The following TBX10 variants were observed in gnomAD, a reference collection of about 807,000 sequenced individuals.
TBX10 encodes T-box transcription factor 10, also known as T-box transcription factor TBX10.
Under a neutral mutation model 32.4 loss-of-function variants are expected in TBX10, and 26 were observed. The observed-to-expected ratio is 0.80, with a 90% confidence interval of 0.59 to 1.11. The LOEUF (loss-of-function observed/expected upper bound fraction) is 1.11, where lower values mean the gene tolerates loss of function less well. Ranked by LOEUF, TBX10 falls within the 50% of genes most tolerant of loss-of-function variation. The pLI, the probability that TBX10 is intolerant of heterozygous loss-of-function variation, is 0.00. For synonymous variants in TBX10, 195 were observed against 203.1 expected (o/e 0.96, Z 0.34); for missense variants, 490 against 494.5 (o/e 0.99, Z 0.09).
At chr11:67,637,325 T>C (rs1355825577) in intron 1 of TBX10, among the ~76,000 whole-genome samples, 1 of 149,618 alleles carries the variant, frequency 6.7e-6, no homozygotes, top group African/African-American at 2.5e-5. Flanking sequence ...AAATAGCACT[T>C]GAACATAAAT....
At position 67,632,628 on chromosome 11, in the gene TBX10, A is replaced by G; in HGVS notation, c.748T>C (p.Phe250Leu). 3 of 1,614,048 alleles carry G rather than the reference A, an allele frequency of 1.9e-6. No individual in the cohort carries two copies. The highest frequency in any genetic ancestry group is 2.5e-6 in the Non-Finnish European group (3 of 1,180,026). The change falls in exon 6 of 8, where the codon TTT (phenylalanine) becomes CTT (leucine). Residue 250 changes from phenylalanine (F) to leucine (L), a missense_variant. Phe to Leu is a conservative substitution (Grantham distance 22). Coordinates refer to ENST00000335385, the MANE Select transcript of TBX10 (RefSeq NM_005995.5). ...CAGGAGTCCAGGTCACTCTCTCTAA[A>G]GCCTTTGGCAAAAGGGTTGCTGGCG... ...KIASNPFAKG[F>L]RESDLDSWPV...
rs1324567206 is a variant in TBX10 at position 67,631,909 on chromosome 11, G to A, written c.869-15C>T. ...TTTGTTGGGGTCTGAGGGAGGAAAT[G>A]AGTGGACTCTGGGCCTCCCATCGCA... On this transcript the variant is annotated splice_polypyrimidine_tract_variant and intron_variant, in intron 7 of 7. Transcript: ENST00000335385. 3.2e-6 allele frequency: 5 copies of A among 1,561,266 alleles called. No individual in the cohort carries two copies. Among genetic ancestry groups the A allele is most frequent in the Non-Finnish European group, 4.3e-6 (5 of 1,151,432 alleles).
In TBX10 at chr11:67,639,575, A is replaced by G; in HGVS notation, c.-103T>C. The stretch of plus-strand genomic sequence containing the variant: ...TCACCACTCGTCCACTCGGCACCTC[A>G]GCTCAGCCCTCAGGTGCTCACACAA... On this transcript the variant is annotated 5_prime_UTR_variant, in exon 1 of 8. Transcript: ENST00000335385. 1 of 1,494,774 alleles carries G rather than the reference A, an allele frequency of 6.7e-7. No individual in the cohort carries two copies. The highest frequency in any genetic ancestry group is 9.2e-7 in the Non-Finnish European group (1 of 1,081,140). 92.6% of individuals were successfully genotyped at this position (1,494,774 alleles called of 1,614,324 possible). A position where few individuals can be genotyped will look rare whatever the true frequency, so the allele number is the denominator to read the frequency against.
In TBX10 at chr11:67,632,336, C is replaced by T. The variant is rs1855249168; in HGVS notation, c.850G>A (p.Ala284Thr). The T allele has an allele frequency of 6.2e-7, 1 of 1,613,404 alleles. No individual in the cohort carries two copies. Among genetic ancestry groups the T allele is most frequent in the Non-Finnish European group, 8.5e-7 (1 of 1,180,016 alleles). ...SSLSPCVLKGATDREKDPNKA... is the reference protein window; with the variant it reads ...SSLSPCVLKGTTDREKDPNKA... ...GCCTTACCTTTCTCCCTGTCTGTGG[C>T]ACCCTTCAGCACACAGGGACTGAGG... The change falls in exon 7 of 8, where the codon GCC (alanine) becomes ACC (threonine). Residue 284 changes from alanine (A) to threonine (T), a missense_variant. This residue lies in a region of TBX10 where 177 missense variants were observed against 176.6 expected (regional missense o/e 1.00). Transcript: ENST00000335385.
At position 67,632,653 on chromosome 11, in the gene TBX10, G is replaced by T; in HGVS notation, c.723C>A (p.Ile241=). Residue 241 remains isoleucine (I), a synonymous_variant, in exon 6 of 8, where the codon ATC becomes ATA. Transcript: ENST00000335385. The part of the protein sequence containing the change: ...YQNHRITQLK[I]ASNPFAKGFR... ...AGCCTTTGGCAAAAGGGTTGCTGGC[G>T]ATTTTCAGCTGGGTGATCTGCAGGA... The T allele has an allele frequency of 6.2e-7, 1 of 1,614,058 alleles. No homozygotes were observed. Among genetic ancestry groups the T allele is most frequent in the Non-Finnish European group, 8.5e-7 (1 of 1,179,996 alleles).
intron 4 of TBX10, among the ~76,000 whole-genome samples, chr11:67,633,525 G>A (rs1280312163): frequency 2.0e-5 from 3 of 152,158 alleles, no homozygotes; most frequent in Non-Finnish European, 4.4e-5. Flanking sequence ...GCCCCCCGAA[G>A]TCAGCCCGAC....
chr11:67,636,651 T>C (rs1855337612), intron 1 of TBX10, among the ~76,000 whole-genome samples: 1 of 151,994 alleles, frequency 6.6e-6, no homozygotes, highest in Admixed American at 6.6e-5. Flanking sequence ...GCGTGCATCA[T>C]CATGCCTGGC....
At chr11:67,636,521 A>ATTTT in intron 1 of TBX10, among the ~76,000 whole-genome samples, 1 of 67,438 alleles carries the variant, frequency 1.5e-5, no homozygotes, top group African/African-American at 3.1e-5. Context: ...TTATTTATTT[A>ATTTT]TTTTTTTCCA....
At chr11:67,641,199 G>A (rs1855399962), upstream of TBX10, among the ~76,000 whole-genome samples, 1 of 151,988 alleles carries the variant, frequency 6.6e-6, no homozygotes, top group Non-Finnish European at 1.5e-5. Flanking sequence ...ACACCCAGGG[G>A]AGGGCCAGGC....
At chr11:67,638,994 C>G (rs945270457) in intron 1 of TBX10, among the ~76,000 whole-genome samples, 1 of 152,206 alleles carries the variant, frequency 6.6e-6, no homozygotes. Context: ...TAGGGGCTCA[C>G]CCGCTGCCCG....
chr11:67,639,393 T>TTGCCCGGGGGGGCCCC, intron 1 of TBX10, 73 bp downstream of exon 1: 1 of 726,926 alleles, frequency 1.4e-6, no homozygotes, highest in Non-Finnish European at 2.5e-6. Context: ...CTGTCTTGGT[T>TTGCCCGGGGGGGCCCC]CCCACCCTGC....
intron 1 of TBX10, among the ~76,000 whole-genome samples, chr11:67,635,503 C>T (rs1855315999): frequency 6.6e-6 from 1 of 152,178 alleles, no homozygotes; most frequent in Non-Finnish European, 1.5e-5. Flanking sequence ...AATGTTTGGG[C>T]CATCTTGTGT....
At chr11:67,632,275 T>G (rs745573100) in intron 7 of TBX10, 43 bp downstream of exon 7, 13 of 1,608,888 alleles carry the variant, frequency 8.1e-6, no homozygotes, top group Non-Finnish European at 1.0e-5. Context: ...CCGCCCACTG[T>G]GTACACCTTA....
Position 67,634,231 on chromosome 11 carries a change from G to C in TBX10, c.507C>G (p.Asp169Glu). 1 of 1,613,310 alleles carries C rather than the reference G, an allele frequency of 6.2e-7. No individual in the cohort carries two copies. The highest frequency in any genetic ancestry group is 1.3e-5 in the African/African-American group (1 of 75,058). ...GCAGGTTGTTGGTCAGCTTGAGCTT[G>C]TCAAAGGACACAATCTGGCGCATCC... is the stretch of plus-strand genomic sequence containing the variant. ...AQWMRQIVSF[D>E]KLKLTNNLLD... Residue 169 changes from aspartate (D) to glutamate (E), a missense_variant, in exon 4 of 8, where the codon GAC becomes GAG. Asp to Glu is a conservative substitution (Grantham distance 45). Around this residue, in one of 3 missense-constraint regions of TBX10, gnomAD observed 307 missense variants for 294.9 expected, o/e 1.04. Transcript: ENST00000335385.
At chr11:67,634,489 A>C in intron 3 of TBX10, 129 bp from the exon 4 acceptor site, 1 of 1,132,140 alleles carries the variant, frequency 8.8e-7, no homozygotes, top group Non-Finnish European at 1.3e-6. Flanking sequence ...TTGCTAAGGA[A>C]CCCAAGGCTC....
At position 67,632,357 on chromosome 11, in the gene TBX10, T is replaced by A. The variant is rs1855249474; in HGVS notation, c.829A>T (p.Ser277Cys). ...SVPARSHSSL[S>C]PCVLKGATDR... Reference sequence around the variant, plus strand: ...GTGGCACCCTTCAGCACACAGGGACTGAGGCTGCTGTGACTCCGGGCTGGG... The same window carrying A: ...GTGGCACCCTTCAGCACACAGGGACAGAGGCTGCTGTGACTCCGGGCTGGG... Residue 277 changes from serine (S) to cysteine (C), a missense_variant, in exon 7 of 8, where the codon AGT becomes TGT. Coordinates refer to ENST00000335385, the MANE Select transcript of TBX10 (RefSeq NM_005995.5). 2 of 1,613,228 alleles carry A rather than the reference T, an allele frequency of 1.2e-6. No individual in the cohort carries two copies. Among genetic ancestry groups the A allele is most frequent in the South Asian group, 2.2e-5 (2 of 91,094 alleles).
chr11:67,632,698 CT>C, intron 5 of TBX10, 28 bp from the exon 6 acceptor site: 1 of 1,613,482 alleles, frequency 6.2e-7, no homozygotes, highest in Non-Finnish European at 8.5e-7. Context: ...CAGTTGTGGG[CT>C]GGCCATGAGC....
At chr11:67,632,794 A>C in intron 5 of TBX10, 124 bp from the exon 6 acceptor site, 1 of 1,543,298 alleles carries the variant, frequency 6.5e-7, no homozygotes, top group Non-Finnish European at 8.9e-7. Context: ...CTCTGAGCTG[A>C]TAGGAGTGCG....
At chr11:67,639,426 C>T in intron 1 of TBX10, 40 bp downstream of exon 1, 1 of 1,334,844 alleles carries the variant, frequency 7.5e-7, no homozygotes, top group South Asian at 1.2e-5. Flanking sequence ...GAACCTGAGC[C>T]TGACCCATGA....
Sources: allele counts gnomAD v4.1 joint callset (sites outside exome capture counted in the v4.1 genomes callset), GRCh38; gene constraint gnomAD v4.1.1; regional missense constraint gnomAD v4.1.1; transcripts MANE v1.5; gene names NCBI Gene and HGNC (gene_info 2026-07-23, HGNC 2026-07-21).